TMEM132B: variants seen among roughly 807,000 people sequenced by gnomAD.
TMEM132B encodes transmembrane protein 132B.
TMEM132B carries 18 observed loss-of-function variants against 90.8 expected under a neutral mutation model. The ratio of observed to expected loss-of-function variants is 0.20; its 90% confidence interval spans 0.14 to 0.29. The LOEUF (loss-of-function observed/expected upper bound fraction) is 0.29. TMEM132B is among the 10% of genes least tolerant of loss of function. The probability of loss-of-function intolerance (pLI) is 1.00; values close to 1 mark genes in which losing one functional copy is unlikely to be tolerated. For synonymous variants in TMEM132B, 504 were observed against 523.3 expected, an observed-to-expected ratio of 0.96 and a Z score of 0.50; for missense variants, 1,096 against 1,326.8, an observed-to-expected ratio of 0.83 and a Z score of 2.70.
chr12:125,644,371 T>C (rs1277350282), intron 6 of TMEM132B, 90 bp downstream of exon 6: 6 of 1,428,406 alleles, frequency 4.2e-6, no homozygotes, highest in Admixed American at 2.0e-5. Context: ...ACTCAAGCCA[T>C]TGGGAAGCAA....
chr12:125,439,264 G>A (rs1418495363), intron 3 of TMEM132B, among the ~76,000 whole-genome samples: 1 of 152,100 alleles, frequency 6.6e-6, no homozygotes, highest in South Asian at 2.1e-4. Flanking sequence ...TGGGCAAGGT[G>A]GCCATTTTAA....
At position 125,195,074 on chromosome 12, in the gene TMEM132B, T is replaced by C. The variant is rs746810421; in HGVS notation, c.67+8208T>C. Among the ~76,000 whole-genome samples the C allele has an allele frequency of 6.9e-4, 105 of 152,328 alleles. 3 individuals are homozygous for C. In the Middle Eastern group the frequency reaches 0.024, roughly 35 times the overall value. On this transcript the variant is annotated intron_variant, in intron 1 of 8. Transcript: ENST00000682704. ...AGACTCAGTTTCCCTTTCTGTAAAA[T>C]GGGCTCTGAACTCGCTGTAGCTGGC...
At chr12:125,232,434 C>A (rs1873848587) in intron 1 of TMEM132B, among the ~76,000 whole-genome samples, 1 of 151,388 alleles carries the variant, frequency 6.6e-6, no homozygotes, top group Non-Finnish European at 1.5e-5. Flanking sequence ...TAATTTTTTG[C>A]TTTTATCACT....
intron 1 of TMEM132B, among the ~76,000 whole-genome samples, chr12:125,262,105 G>A (rs1874580870): frequency 6.6e-6 from 1 of 151,844 alleles, no homozygotes; most frequent in African/African-American, 2.4e-5. Flanking sequence ...AAAACAAGTG[G>A]GTCAATTTAA....
chr12:125,420,586 C>T lies in TMEM132B; in HGVS notation c.1106+4909C>T, dbSNP rs552612453. ...GCTTCTGGGCCTCTGATGGGAGCGA[C>T]TGCCAGGAAGGTCTGTGACATGCCC... is the stretch of plus-strand genomic sequence containing the variant. On this transcript the variant is annotated intron_variant, in intron 3 of 8. Coordinates refer to ENST00000682704, the MANE Select transcript of TMEM132B (RefSeq NM_001366854.1). Among the ~76,000 whole-genome samples the T allele has an allele frequency of 4.6e-5, 7 of 152,278 alleles. No homozygotes were observed. In the South Asian group the frequency reaches 1.2e-3, roughly 27 times the overall value.
chr12:125,278,932 AC>A (rs1565990791), intron 1 of TMEM132B, among the ~76,000 whole-genome samples: 1 of 152,180 alleles, frequency 6.6e-6, no homozygotes, highest in Non-Finnish European at 1.5e-5. Flanking sequence ...GTTGGATGTA[AC>A]CCAGCGAGGG....
chr12:125,267,676 G>GA (rs1874728032), intron 1 of TMEM132B, among the ~76,000 whole-genome samples: 2 of 152,136 alleles, frequency 1.3e-5, no homozygotes, highest in South Asian at 4.1e-4. Context: ...GAGTGGTGGG[G>GA]ACTGTGGCTC....
At chr12:125,315,725 G>A (rs552832479) in intron 1 of TMEM132B, among the ~76,000 whole-genome samples, 2 of 152,296 alleles carry the variant, frequency 1.3e-5, no homozygotes, top group East Asian at 3.9e-4. Context: ...TGTGTCACTT[G>A]CCTGTTGGTG....
chr12:125,383,770 A>G (rs1381128141), intron 2 of TMEM132B, among the ~76,000 whole-genome samples: 1 of 152,244 alleles, frequency 6.6e-6, no homozygotes, highest in Non-Finnish European at 1.5e-5. Context: ...TAAAGTTATT[A>G]CATCCAAGCT....
chr12:125,259,747 G>A (rs1874518777), intron 1 of TMEM132B, among the ~76,000 whole-genome samples: 2 of 152,292 alleles, frequency 1.3e-5, no homozygotes, highest in Admixed American at 1.3e-4. Context: ...TGTTTATGGG[G>A]GAAGGCAGCA....
At chr12:125,392,483 G>A (rs541144525) in intron 2 of TMEM132B, among the ~76,000 whole-genome samples, 4 of 152,360 alleles carry the variant, frequency 2.6e-5, no homozygotes, top group South Asian at 2.1e-4. Flanking sequence ...AATAACTAGC[G>A]TTGGGCTACG....
At chr12:125,310,238 A>G (rs552521921) in intron 1 of TMEM132B, among the ~76,000 whole-genome samples, 2 of 152,300 alleles carry the variant, frequency 1.3e-5, no homozygotes, top group Admixed American at 1.3e-4. Context: ...GGAAGACACC[A>G]TCCACCACAA....
At chr12:125,542,369 A>G (rs12827629) in intron 4 of TMEM132B, among the ~76,000 whole-genome samples, 11,118 of 152,132 alleles carry the variant, frequency 0.073, 550 homozygotes, top group South Asian at 0.15. Flanking sequence ...TATCGTCACC[A>G]TTTTCAAGTG....
At chr12:125,361,143 G>T (rs763451995) in intron 2 of TMEM132B, among the ~76,000 whole-genome samples, 4 of 152,102 alleles carry the variant, frequency 2.6e-5, no homozygotes, top group Non-Finnish European at 5.9e-5. Flanking sequence ...CCGCTGCCCA[G>T]CCCACCCTCA....
At position 125,458,216 on chromosome 12, in the gene TMEM132B, T is replaced by C. The variant is rs1593156943; in HGVS notation, c.1106+42539T>C. 2.7e-5 allele frequency among the ~76,000 whole-genome samples: 4 copies of C among 148,050 alleles called. No homozygotes were observed. In the South Asian group the frequency reaches 8.5e-4, roughly 31 times the overall value. On this transcript the variant is annotated intron_variant, in intron 3 of 8. Coordinates refer to ENST00000682704, the MANE Select transcript of TMEM132B (RefSeq NM_001366854.1). This position sits in a 1 kb window ranked among gnomAD's most constrained non-coding sequence, Gnocchi z 4.9. ...GTCCCTGAGGCCAAAAACAAGGGCC[T>C]TGGACAAGGCCCTTGTCCAAGGACA... is the stretch of plus-strand genomic sequence containing the variant.
rs1407332303 is a variant in TMEM132B, at chr12:125,203,233, TC to T, written c.67+16371del. Among the ~76,000 whole-genome samples the T allele has an allele frequency of 2.0e-5, 3 of 152,326 alleles. No homozygotes were observed. The East Asian group carries it at 5.8e-4, about 29-fold the overall frequency. On this transcript the variant is annotated intron_variant, in intron 1 of 8. Transcript: ENST00000682704. ...TACTGGTACAAGAGGCCCTTCCTTG[TC>T]CCCATCCCTTCCCCTGCTATCAAAA...
rs1875047997 is a variant in TMEM132B, at chr12:125,277,909, T to G, written c.68-71543T>G. On this transcript the variant is annotated intron_variant, in intron 1 of 8. Coordinates refer to ENST00000682704, the MANE Select transcript of TMEM132B (RefSeq NM_001366854.1). This position sits in a 1 kb window ranked among gnomAD's most constrained non-coding sequence, Gnocchi z 4.3. ...CAGATCTATTCACAGAGGGCCAGCATTCTCCGATGGGAAAAGTCTGGAACT... is the reference window on the plus strand; with the variant it reads ...CAGATCTATTCACAGAGGGCCAGCAGTCTCCGATGGGAAAAGTCTGGAACT... Among the ~76,000 whole-genome samples, 1 of 152,186 alleles carries G rather than the reference T, an allele frequency of 6.6e-6. No individual in the cohort carries two copies. Among genetic ancestry groups the G allele is most frequent in the East Asian group, 1.9e-4 (1 of 5,202 alleles).
At chr12:125,285,083 C>T (rs1739608032) in intron 1 of TMEM132B, among the ~76,000 whole-genome samples, 2 of 152,198 alleles carry the variant, frequency 1.3e-5, no homozygotes, top group South Asian at 4.1e-4. Context: ...AAGAAAACCT[C>T]CTTCCTCCCC....
intron 4 of TMEM132B, among the ~76,000 whole-genome samples, chr12:125,542,858 G>C (rs772488850): frequency 6.6e-6 from 1 of 152,172 alleles, no homozygotes; most frequent in Admixed American, 6.5e-5. Flanking sequence ...TGGAGAGCAG[G>C]CTTTTAATTA....
Sources: allele counts gnomAD v4.1 joint callset (sites outside exome capture counted in the v4.1 genomes callset), GRCh38; gene constraint gnomAD v4.1.1; non-coding constraint Gnocchi (gnomAD v3.1); transcripts MANE v1.5; gene names NCBI Gene and HGNC (gene_info 2026-07-23, HGNC 2026-07-21).